The following RBKS variants were observed in gnomAD, a reference collection of about 807,000 sequenced individuals.
RBKS encodes ribokinase.
Under a neutral mutation model 33.9 loss-of-function variants are expected in RBKS, and 33 were observed. The observed-to-expected ratio is 0.97, with a 90% CI of 0.74 to 1.30. The LOEUF (loss-of-function observed/expected upper bound fraction) is 1.30. RBKS is among the 50% of genes most tolerant of loss of function. The probability of loss-of-function intolerance (pLI) is 0.00; values close to 1 mark genes in which losing one functional copy is unlikely to be tolerated. For missense variants in RBKS, 361 were observed against 392.6 expected, an observed-to-expected ratio of 0.92 and a Z score of 0.68; for synonymous variants, 125 against 143.0, an observed-to-expected ratio of 0.87 and a Z score of 0.90.
At chr2:27,811,953 C>A in intron 7 of RBKS, among the ~76,000 whole-genome samples, 1 of 152,124 alleles carries the variant, frequency 6.6e-6, no homozygotes, top group East Asian at 1.9e-4. Flanking sequence ...AGCAACAAAT[C>A]CTGTCACTGA....
At chr2:27,817,582 G>A (rs1678118055) in intron 7 of RBKS, among the ~76,000 whole-genome samples, 1 of 152,218 alleles carries the variant, frequency 6.6e-6, no homozygotes, top group Non-Finnish European at 1.5e-5. Context: ...CCGCATGGCT[G>A]TGGAGGCCTC....
intron 1 of RBKS, chr2:27,870,517 T>G (rs1260905680): frequency 3.5e-6 from 1 of 282,560 alleles, no homozygotes; most frequent in Non-Finnish European, 7.2e-6. Flanking sequence ...AGAGAAGACA[T>G]GTGTGCACTG....
intron 7 of RBKS, chr2:27,809,921 C>G: frequency 7.7e-7 from 1 of 1,300,590 alleles, no homozygotes; most frequent in Non-Finnish European, 1.0e-6. Flanking sequence ...TTCATTTTTG[C>G]TCGAGCTGTT....
chr2:27,833,256 C>G (rs983402245), intron 5 of RBKS, among the ~76,000 whole-genome samples: 1 of 152,122 alleles, frequency 6.6e-6, no homozygotes, highest in South Asian at 2.1e-4. Context: ...CCGGTGGGAA[C>G]AGTAAGCGGG....
chr2:27,889,185 A>G (rs1664639507), intron 1 of RBKS, among the ~76,000 whole-genome samples: 1 of 152,220 alleles, frequency 6.6e-6, no homozygotes, highest in Admixed American at 6.5e-5. Flanking sequence ...ATTTTAAGGT[A>G]AGGTTAAATT....
At chr2:27,841,757 C>T (rs1663517413) in intron 5 of RBKS, among the ~76,000 whole-genome samples, 1 of 151,922 alleles carries the variant, frequency 6.6e-6, no homozygotes, top group Non-Finnish European at 1.5e-5. Context: ...CACACACACA[C>T]ACACTGTTCT....
intron 7 of RBKS, among the ~76,000 whole-genome samples, chr2:27,787,330 G>A (rs536300843): frequency 5.9e-5 from 9 of 152,274 alleles, no homozygotes; most frequent in Non-Finnish European, 1.2e-4. Flanking sequence ...TACCTGGGAG[G>A]CTGAGGCAGG....
At chr2:27,846,420 T>C (rs938521568) in intron 4 of RBKS, among the ~76,000 whole-genome samples, 3 of 152,214 alleles carry the variant, frequency 2.0e-5, no homozygotes, top group Non-Finnish European at 4.4e-5. Context: ...CCTCCCACTT[T>C]AGCCTCTGAA....
At chr2:27,870,978 T>C (rs1403819008) in intron 1 of RBKS, 1 of 436,486 alleles carries the variant, frequency 2.3e-6, no homozygotes, top group African/African-American at 2.0e-5. Context: ...CAGTGACTCA[T>C]TAATCCACTC....
intron 7 of RBKS, among the ~76,000 whole-genome samples, chr2:27,803,264 G>C (rs1360670020): frequency 6.6e-6 from 1 of 152,206 alleles, no homozygotes; most frequent in Non-Finnish European, 1.5e-5. Flanking sequence ...TGGACAGTGA[G>C]AGTTCAGTTT....
At chr2:27,807,441 G>C (rs1442648975) in intron 7 of RBKS, among the ~76,000 whole-genome samples, 1 of 152,090 alleles carries the variant, frequency 6.6e-6, no homozygotes, top group Non-Finnish European at 1.5e-5. Flanking sequence ...GTGCAGTGGT[G>C]CAATCACGGC....
intron 6 of RBKS, 104 bp downstream of exon 6, chr2:27,832,582 G>T: frequency 1.3e-6 from 1 of 775,516 alleles, no homozygotes. Context: ...CCATGCCTGA[G>T]AATTCACGTC....
intron 1 of RBKS, among the ~76,000 whole-genome samples, chr2:27,876,825 T>C (rs895362569): frequency 6.6e-6 from 1 of 152,274 alleles, no homozygotes; most frequent in South Asian, 2.1e-4. Flanking sequence ...TATGCATATA[T>C]AATAAAAATT....
chr2:27,873,255 T>G (rs1664250719), intron 1 of RBKS, among the ~76,000 whole-genome samples: 1 of 152,118 alleles, frequency 6.6e-6, no homozygotes, highest in Admixed American at 6.5e-5. Context: ...CAGCTGTCAA[T>G]AGGGTTAAAG....
At chr2:27,829,363 G>GTTTTTTT (rs35216618) in intron 6 of RBKS, among the ~76,000 whole-genome samples, 4 of 107,382 alleles carry the variant, frequency 3.7e-5, no homozygotes, top group Non-Finnish European at 5.6e-5. Flanking sequence ...GCTTTTCAGT[G>GTTTTTTT]TTTTTTTTTT....
chr2:27,875,125 C>T (rs1294736431), intron 1 of RBKS, among the ~76,000 whole-genome samples: 1 of 152,196 alleles, frequency 6.6e-6, no homozygotes, highest in Non-Finnish European at 1.5e-5. Flanking sequence ...AAACATTTAA[C>T]ATCTCTCAAC....
chr2:27,875,169 G>T (rs905169919), intron 1 of RBKS, among the ~76,000 whole-genome samples: 1 of 152,128 alleles, frequency 6.6e-6, no homozygotes, highest in East Asian at 1.9e-4. Flanking sequence ...CAGGAAATAG[G>T]CCTTTTTCAT....
chr2:27,833,339 C>A (rs960958041), intron 5 of RBKS, among the ~76,000 whole-genome samples: 1 of 152,078 alleles, frequency 6.6e-6, no homozygotes, highest in Non-Finnish European at 1.5e-5. Context: ...CTCCTGCAAA[C>A]ATATGCACTT....
In RBKS at chr2:27,812,410, G is replaced by A. The variant is rs189819146; in HGVS notation, c.795+15157C>T. ...TGCTGCTATAAAGACACATGCACAC[G>A]TATGTTTATTGTGGTACTATTCACA... On this transcript the variant is annotated intron_variant, in intron 7 of 7. Coordinates refer to ENST00000302188, the MANE Select transcript of RBKS (RefSeq NM_022128.3). Among the ~76,000 whole-genome samples, 708 of 152,268 alleles carry A rather than the reference G, an allele frequency of 4.6e-3. 2 individuals carry two copies. The highest frequency in any genetic ancestry group is 7.0e-3 in the Non-Finnish European group (474 of 68,032).
Sources: allele counts gnomAD v4.1 joint callset (sites outside exome capture counted in the v4.1 genomes callset), GRCh38; gene constraint gnomAD v4.1.1; transcripts MANE v1.5; gene names NCBI Gene and HGNC (gene_info 2026-07-23, HGNC 2026-07-21).